The following MAGI3 variants were observed in gnomAD, a reference collection of about 807,000 sequenced individuals.
MAGI3 encodes the protein membrane associated guanylate kinase, WW and PDZ domain containing 3.
MAGI3 carries 43 observed loss-of-function variants against 121.8 expected under a neutral mutation model. That is an observed-to-expected ratio of 0.35 (90% confidence interval 0.28 to 0.46). The LOEUF (loss-of-function observed/expected upper bound fraction) is 0.46, where lower values mean the gene tolerates loss of function less well. Among genes scored for constraint, MAGI3 ranks in the 20% least tolerant of loss-of-function variants. The pLI is 1.00. For synonymous variants in MAGI3, 553 were observed against 639.3 expected, an observed-to-expected ratio of 0.86 and a Z score of 2.04; for missense variants, 1,547 against 1,797.3, an observed-to-expected ratio of 0.86 and a Z score of 2.52.
At chr1:113,400,316 A>G (rs1223310560) in intron 1 of MAGI3, among the ~76,000 whole-genome samples, 1 of 152,146 alleles carries the variant, frequency 6.6e-6, no homozygotes, top group Non-Finnish European at 1.5e-5. Flanking sequence ...TTTAGTAATA[A>G]CTTTGAGTTT....
At chr1:113,415,367 C>T (rs1477521524) in intron 1 of MAGI3, among the ~76,000 whole-genome samples, 1 of 152,008 alleles carries the variant, frequency 6.6e-6, no homozygotes, top group Non-Finnish European at 1.5e-5. Context: ...TAACCATCCC[C>T]ATTCCCCACG....
intron 1 of MAGI3, among the ~76,000 whole-genome samples, chr1:113,416,107 CAT>C (rs1284340829): frequency 3.3e-4 from 48 of 143,380 alleles, no homozygotes; most frequent in African/African-American, 1.2e-3. Context: ...ATTAATGACA[CAT>C]ATTAATTATG....
At chr1:113,396,324 G>A (rs1651117317) in intron 1 of MAGI3, among the ~76,000 whole-genome samples, 1 of 114,488 alleles carries the variant, frequency 8.7e-6, no homozygotes, top group African/African-American at 3.3e-5. Flanking sequence ...TGTGTGATTT[G>A]ACAAAAGATA....
intron 2 of MAGI3, among the ~76,000 whole-genome samples, chr1:113,572,222 C>T (rs573538594): frequency 2.0e-5 from 3 of 152,290 alleles, no homozygotes; most frequent in Middle Eastern, 3.4e-3. Flanking sequence ...GTTGAACCAG[C>T]GTTGCATCCC....
intron 1 of MAGI3, among the ~76,000 whole-genome samples, chr1:113,541,704 C>T (rs776183733): frequency 2.4e-4 from 36 of 151,970 alleles, no homozygotes; most frequent in Non-Finnish European, 4.7e-4. Flanking sequence ...ATAGAGGTGA[C>T]CAGAAAGAAT....
chr1:113,599,931 G>A (rs941216115), intron 6 of MAGI3, among the ~76,000 whole-genome samples: 61 of 152,082 alleles, frequency 4.0e-4, no homozygotes, highest in Admixed American at 1.9e-3. Flanking sequence ...GCAAATCAAT[G>A]AATGTAATCC....
intron 20 of MAGI3, chr1:113,682,611 T>C (rs1648287765): frequency 1.0e-6 from 1 of 984,420 alleles, no homozygotes; most frequent in Non-Finnish European, 1.2e-6. Flanking sequence ...AATTGGGCTT[T>C]ACTAATAGAG....
At chr1:113,524,628 C>T (rs1658371297) in intron 1 of MAGI3, among the ~76,000 whole-genome samples, 1 of 152,102 alleles carries the variant, frequency 6.6e-6, no homozygotes, top group Admixed American at 6.5e-5. Flanking sequence ...TATCCAATGC[C>T]TGTATCCCCA....
At chr1:113,432,839 A>G (rs1486436896) in intron 1 of MAGI3, among the ~76,000 whole-genome samples, 1 of 152,130 alleles carries the variant, frequency 6.6e-6, no homozygotes, top group Non-Finnish European at 1.5e-5. Context: ...TCAATAAGGT[A>G]TAAGTTTCTG....
At chr1:113,646,297 T>TTCAACC (rs1384240733) in intron 11 of MAGI3, among the ~76,000 whole-genome samples, 189 bp from the exon 12 acceptor site, 1 of 152,186 alleles carries the variant, frequency 6.6e-6, no homozygotes, top group Non-Finnish European at 1.5e-5. Context: ...TAATTTAAGT[T>TTCAACC]AAATATGTTT....
At chr1:113,604,653 G>T (rs987393073) in intron 6 of MAGI3, among the ~76,000 whole-genome samples, 1 of 143,248 alleles carries the variant, frequency 7.0e-6, no homozygotes, top group East Asian at 2.2e-4. Flanking sequence ...CCATGAAAAA[G>T]AATGAAATAA....
Position 113,428,508 on chromosome 1 carries a change from A to G in MAGI3, c.316+37159A>G, listed in dbSNP as rs533023508. 5.8e-4 allele frequency among the ~76,000 whole-genome samples: 89 copies of G among 152,302 alleles called. 1 individual carries two copies. Among genetic ancestry groups the G allele is most frequent in the African/African-American group, 1.9e-3 (77 of 41,572 alleles). ...CTGGTCCAACTCTTTCTGAACCACT[A>G]TAGTGTTCAGTAGAAATATAATGCA... On this transcript the variant is annotated intron_variant, in intron 1 of 20. Coordinates refer to ENST00000307546, the MANE Select transcript of MAGI3 (RefSeq NM_001142782.2).
At chr1:113,454,676 T>A (rs1654659017) in intron 1 of MAGI3, among the ~76,000 whole-genome samples, 1 of 152,064 alleles carries the variant, frequency 6.6e-6, no homozygotes. Context: ...CCCCGGTGTA[T>A]GATGTTCCCC....
chr1:113,457,533 G>C (rs964276842), intron 1 of MAGI3, among the ~76,000 whole-genome samples: 2 of 151,868 alleles, frequency 1.3e-5, no homozygotes, highest in African/African-American at 4.8e-5. Flanking sequence ...TCCTCAGCAA[G>C]GACTATATGG....
At chr1:113,625,673 G>T (rs781674050) in intron 9 of MAGI3, among the ~76,000 whole-genome samples, 1 of 151,908 alleles carries the variant, frequency 6.6e-6, no homozygotes, top group African/African-American at 2.4e-5. Context: ...TTTCCAATTT[G>T]TATGCCTGTT....
At chr1:113,446,046 T>C (rs1654161403) in intron 1 of MAGI3, among the ~76,000 whole-genome samples, 1 of 152,256 alleles carries the variant, frequency 6.6e-6, no homozygotes, top group African/African-American at 2.4e-5. Flanking sequence ...TTTTTTGTTT[T>C]CTTCATGATT....
intron 1 of MAGI3, among the ~76,000 whole-genome samples, chr1:113,440,075 ATC>A (rs1304122447): frequency 3.3e-5 from 5 of 152,118 alleles, no homozygotes; most frequent in Non-Finnish European, 7.3e-5. Context: ...ATCGCTATAA[ATC>A]TCTGTTTCCC....
chr1:113,596,559 C>T (rs1437160898), intron 6 of MAGI3, among the ~76,000 whole-genome samples: 2 of 152,074 alleles, frequency 1.3e-5, no homozygotes, highest in Non-Finnish European at 2.9e-5. Flanking sequence ...GACAAAGTCA[C>T]AGACTTTGCA....
At chr1:113,676,511 A>G (rs950213088) in intron 19 of MAGI3, among the ~76,000 whole-genome samples, 3 of 152,258 alleles carry the variant, frequency 2.0e-5, no homozygotes, top group African/African-American at 7.2e-5. Context: ...CAAATGAGCA[A>G]TTAACTGTTA....
Sources: gnomAD v4.1 joint callset for allele counts (sites outside exome capture counted in the v4.1 genomes callset) on GRCh38, gnomAD v4.1.1 for gene constraint, MANE v1.5 for transcripts, NCBI Gene and HGNC (gene_info 2026-07-23, HGNC 2026-07-21) for gene names.